The following UPF1 variants were observed in gnomAD, a reference collection of about 807,000 sequenced individuals.
UPF1 encodes the protein regulator of nonsense transcripts 1.
Under a neutral mutation model 129.2 loss-of-function variants are expected in UPF1, and 9 were observed. The observed-to-expected ratio is 0.07, with a 90% CI of 0.04 to 0.12. UPF1 has a LOEUF of 0.12. Ranked by LOEUF, UPF1 falls within the 10% of genes least tolerant of loss-of-function variation. The pLI is 1.00. For missense variants in UPF1, 788 were observed against 1,525.3 expected (o/e 0.52, Z 8.05); for synonymous variants, 649 against 644.9 (o/e 1.01, Z -0.10).
chr19:18,855,251 G>A lies in UPF1; in HGVS notation c.1544+9G>A, dbSNP rs769824775. The A allele has an allele frequency of 1.1e-5, 17 of 1,608,580 alleles. No homozygotes were observed. In the East Asian group the frequency reaches 3.1e-4, roughly 30 times the overall value. ...GCCCGGCAAGGCAACGGGTAGGGCT[G>A]ACACGGCCCTTGCGGGCAAGACCCG... On this transcript the variant is annotated intron_variant, in intron 11 of 23. Coordinates refer to ENST00000262803, the MANE Select transcript of UPF1 (RefSeq NM_002911.4).
At chr19:18,864,298 G>C in intron 20 of UPF1, 47 bp downstream of exon 20, 1 of 1,540,588 alleles carries the variant, frequency 6.5e-7, no homozygotes, top group East Asian at 2.3e-5. Context: ...TCCTCACACC[G>C]GGATGCTGGC....
chr19:18,854,110 G>T (rs1344144096), intron 8 of UPF1, among the ~76,000 whole-genome samples: 1 of 152,238 alleles, frequency 6.6e-6, no homozygotes, highest in African/African-American at 2.4e-5. Context: ...GTTTGCTTGT[G>T]TATGTGGAGC....
At position 18,832,593 on chromosome 19, in the gene UPF1, G is replaced by A. The variant is rs781748071; in HGVS notation, c.231+153G>A. ...TGCCCCGGGTCCCCTACTCTGGCTC[G>A]GCCTGAGCTTACCTGCCCCAGGTCC... On this transcript the variant is annotated intron_variant, in intron 1 of 23. Transcript: ENST00000262803. The surrounding 1 kb of genome is among the most constrained non-coding windows in gnomAD (Gnocchi z 5.6). Among the ~76,000 whole-genome samples, 1 of 151,988 alleles carries A rather than the reference G, an allele frequency of 6.6e-6. No individual in the cohort carries two copies. Among genetic ancestry groups the A allele is most frequent in the South Asian group, 2.1e-4 (1 of 4,824 alleles).
Position 18,855,873 on chromosome 19 carries a change from G to A in UPF1, c.1545-52G>A, listed in dbSNP as rs181397362. The A allele has an allele frequency of 3.0e-3, 4,757 of 1,596,272 alleles. 10 individuals are homozygous for A. The highest frequency in any genetic ancestry group is 3.5e-3 in the Non-Finnish European group (4,094 of 1,170,950). On this transcript the variant is annotated intron_variant, in intron 11 of 23. Coordinates refer to ENST00000262803, the MANE Select transcript of UPF1 (RefSeq NM_002911.4). ...AAAAAACAGAGTCTTGGCTTACTAC[G>A]TTCACCGAGCTTCCTCTGGGTAAGC...
chr19:18,862,749 T>C (rs187822859), intron 18 of UPF1, among the ~76,000 whole-genome samples: 159 of 152,182 alleles, frequency 1.0e-3, no homozygotes, highest in Middle Eastern at 3.4e-3. Flanking sequence ...GGAGAATCGC[T>C]TGTACCTGGG....
At chr19:18,833,304 G>A (rs1198881122) in intron 1 of UPF1, 2 of 152,138 alleles carry the variant, frequency 1.3e-5, no homozygotes, top group Non-Finnish European at 2.9e-5. Flanking sequence ...GTTTTTTCTT[G>A]CATCGCCTGT....
rs1318395053 is a variant in UPF1, at chr19:18,865,198, G to A, written c.2858-91G>A. On this transcript the variant is annotated intron_variant, in intron 20 of 23. Coordinates refer to ENST00000262803, the MANE Select transcript of UPF1 (RefSeq NM_002911.4). This position sits in a 1 kb window ranked among gnomAD's most constrained non-coding sequence, Gnocchi z 6.1. ...TGGGCAGAGCCAGGACAGATGTGCAGCTCCGGCTGACTGGCTGGTGGGGTG... is the reference window on the plus strand; with the variant it reads ...TGGGCAGAGCCAGGACAGATGTGCAACTCCGGCTGACTGGCTGGTGGGGTG... The A allele has an allele frequency of 1.4e-6, 2 of 1,454,478 alleles. No homozygotes were observed. The highest frequency in any genetic ancestry group is 1.4e-5 in the African/African-American group (1 of 71,684). 90.1% of individuals were successfully genotyped at this position (1,454,478 alleles called of 1,614,324 possible).
intron 6 of UPF1, among the ~76,000 whole-genome samples, 181 bp downstream of exon 6, chr19:18,852,477 C>T (rs1225084010): frequency 9.2e-5 from 14 of 152,130 alleles, no homozygotes; most frequent in Admixed American, 9.2e-4. Context: ...AGCCCCCGCC[C>T]TCAGATCTGA....
At position 18,853,459 on chromosome 19, in the gene UPF1, C is replaced by A; in HGVS notation, c.1156+109C>A. The A allele has an allele frequency of 9.0e-7, 1 of 1,116,154 alleles. No individual in the cohort carries two copies. The highest frequency in any genetic ancestry group is 1.3e-6 in the Non-Finnish European group (1 of 795,926). 69.1% of individuals were successfully genotyped at this position (1,116,154 alleles called of 1,614,324 possible). On this transcript the variant is annotated intron_variant, in intron 8 of 23. Transcript: ENST00000262803. The surrounding 1 kb of genome is among the most constrained non-coding windows in gnomAD (Gnocchi z 4.4). The stretch of plus-strand genomic sequence containing the variant: ...CTCACTGCTGGGCCAGCATCTCATG[C>A]TCTGTGGTGGGTGCTGGTTGGCATC...
Position 18,832,351 on chromosome 19 carries a change from C to G in UPF1, c.142C>G (p.Pro48Ala). ...TCTTCCTAGCCAGACGCAGACGCCC[C>G]CCGGCGGCCCCGGCGGCCCGGGCGG... Reference protein sequence around the residue: ...FTLPSQTQTPPGGPGGPGGGG... With the variant: ...FTLPSQTQTPAGGPGGPGGGG... Residue 48 changes from proline (P) to alanine (A), a missense_variant, in exon 1 of 24, where the codon CCC becomes GCC. Physicochemically the swap from Pro to Ala is conservative, Grantham distance 27 (BLOSUM62 -1). Transcript: ENST00000262803. The surrounding 1 kb of genome is among the most constrained non-coding windows in gnomAD (Gnocchi z 5.6). The G allele has an allele frequency of 7.5e-7, 1 of 1,340,470 alleles. No individual in the cohort carries two copies. Among genetic ancestry groups the G allele is most frequent in the Non-Finnish European group, 9.8e-7 (1 of 1,022,976 alleles). The allele number at this position is 1,340,470 out of a possible 1,614,324, so 83.0% of individuals were successfully genotyped here. A position where few individuals can be genotyped will look rare whatever the true frequency, so the allele number is the denominator to read the frequency against.
intron 20 of UPF1, among the ~76,000 whole-genome samples, chr19:18,864,516 T>G (rs1222495430): frequency 6.6e-6 from 1 of 152,270 alleles, no homozygotes. Flanking sequence ...AGGGACTGCA[T>G]GTAGTACAAA....
At chr19:18,854,002 C>A (rs2055688376) in intron 8 of UPF1, among the ~76,000 whole-genome samples, 1 of 152,200 alleles carries the variant, frequency 6.6e-6, no homozygotes, top group Non-Finnish European at 1.5e-5. Flanking sequence ...CACACCCACC[C>A]TGGGCCTGAC....
In UPF1 at chr19:18,853,733, G is replaced by A. The variant is rs895254110; in HGVS notation, c.1156+383G>A. 2.6e-5 allele frequency among the ~76,000 whole-genome samples: 4 copies of A among 152,238 alleles called. No individual in the cohort carries two copies. Among genetic ancestry groups the A allele is most frequent in the Admixed American group, 1.3e-4 (2 of 15,286 alleles). The stretch of plus-strand genomic sequence containing the variant: ...CTGCACACGGAGGTTCCAGAAGCCA[G>A]TGGTCACATGCAGACCCTCTGAGCA... On this transcript the variant is annotated intron_variant, in intron 8 of 23. Coordinates refer to ENST00000262803, the MANE Select transcript of UPF1 (RefSeq NM_002911.4). The surrounding 1 kb of genome is among the most constrained non-coding windows in gnomAD (Gnocchi z 4.4).
chr19:18,852,386 C>T lies in UPF1; in HGVS notation c.972+90C>T, dbSNP rs577687075. Reference sequence around the variant, plus strand: ...TCCAGAGGGAGGTTTTCTCTCCAGGCTGTGGGAGCTGATGTGGGCTGCAGC... The same window carrying T: ...TCCAGAGGGAGGTTTTCTCTCCAGGTTGTGGGAGCTGATGTGGGCTGCAGC... On this transcript the variant is annotated intron_variant, in intron 6 of 23. Coordinates refer to ENST00000262803, the MANE Select transcript of UPF1 (RefSeq NM_002911.4). 38 of 1,553,164 alleles carry T rather than the reference C, an allele frequency of 2.4e-5. 1 individual carries two copies. In the African/African-American group the frequency reaches 4.9e-4, roughly 20 times the overall value.
chr19:18,847,861 T>G (rs768109886), intron 3 of UPF1, 28 bp downstream of exon 3: 1 of 1,603,430 alleles, frequency 6.2e-7, no homozygotes, highest in South Asian at 1.1e-5. Flanking sequence ...GCATGTGTGT[T>G]TAATCAGTGC....
chr19:18,865,995 T>G lies in UPF1; in HGVS notation c.3238-49T>G. On this transcript the variant is annotated intron_variant, in intron 22 of 23. Transcript: ENST00000262803. The surrounding 1 kb of genome is among the most constrained non-coding windows in gnomAD (Gnocchi z 6.1). ...GGGGCTGCTGAGGGCTGGGTGGATG[T>G]GAGCACCCTTGGCCTGTGGCTTGCT... is the stretch of plus-strand genomic sequence containing the variant. The G allele has an allele frequency of 6.2e-7, 1 of 1,609,660 alleles. No individual in the cohort carries two copies. The highest frequency in any genetic ancestry group is 8.5e-7 in the Non-Finnish European group (1 of 1,178,812).
chr19:18,864,891 A>G (rs556750542), intron 20 of UPF1, among the ~76,000 whole-genome samples: 26 of 151,092 alleles, frequency 1.7e-4, no homozygotes, highest in African/African-American at 6.3e-4. Flanking sequence ...AGCACCCACC[A>G]CCATGCCCGG....
chr19:18,865,684 C>G lies in UPF1; in HGVS notation c.3143C>G (p.Pro1048Arg), dbSNP rs2055835450. 1.2e-6 allele frequency: 2 copies of G among 1,613,904 alleles called. No homozygotes were observed. The highest frequency in any genetic ancestry group is 1.3e-5 in the African/African-American group (1 of 75,068). The change falls in exon 22 of 24, where the codon CCC becomes CGC. Residue 1048 changes from proline (P) to arginine (R), a missense_variant. By Grantham distance (103) the Pro-to-Arg change is moderately radical. Transcript: ENST00000262803. This position sits in a 1 kb window ranked among gnomAD's most constrained non-coding sequence, Gnocchi z 6.1. ...GCCAGCCAGGATGTGGCGTCACAGC[C>G]CTTCTCTCAGGGCGCCCTGACGCAG... Reference protein sequence around the residue: ...SQASQDVASQPFSQGALTQGY... With the variant: ...SQASQDVASQRFSQGALTQGY...
chr19:18,858,976 T>A (rs916336264), intron 15 of UPF1, among the ~76,000 whole-genome samples: 1 of 152,176 alleles, frequency 6.6e-6, no homozygotes, highest in Non-Finnish European at 1.5e-5. Context: ...GAGGTTGGTA[T>A]TGTCAGGCCT....
Sources: gnomAD v4.1 joint callset for allele counts (sites outside exome capture counted in the v4.1 genomes callset) on GRCh38, gnomAD v4.1.1 for gene constraint, Gnocchi (gnomAD v3.1) non-coding constraint, MANE v1.5 for transcripts, NCBI Gene and HGNC (gene_info 2026-07-23, HGNC 2026-07-21) for gene names.